RGS20: variants seen among roughly 807,000 people sequenced by gnomAD.
The protein encoded by RGS20 is gz-selective GTPase-activating protein.
RGS20 carries 30 observed loss-of-function variants against 33.6 expected under a neutral mutation model. The ratio of observed to expected loss-of-function variants is 0.89; its 90% CI spans 0.67 to 1.21. The LOEUF is 1.21. RGS20 is among the 50% of genes most tolerant of loss of function. The probability of loss-of-function intolerance (pLI) is 0.00; values close to 1 mark genes in which losing one functional copy is unlikely to be tolerated. For synonymous variants in RGS20, 208 were observed against 197.9 expected, an observed-to-expected ratio of 1.05 and a Z score of -0.43; for missense variants, 472 against 502.4, an observed-to-expected ratio of 0.94 and a Z score of 0.58.
intron 4 of RGS20, among the ~76,000 whole-genome samples, chr8:53,950,341 T>A (rs1814674668): frequency 6.6e-6 from 1 of 152,086 alleles, no homozygotes; most frequent in Admixed American, 6.6e-5. Context: ...ACAGTTTGAG[T>A]TTCCCTTATC....
chr8:53,867,171 C>T (rs551975945), intron 1 of RGS20, among the ~76,000 whole-genome samples: 1 of 152,156 alleles, frequency 6.6e-6, no homozygotes, highest in Admixed American at 6.5e-5. Context: ...TCACCAGTGC[C>T]TCAGGAGAGC....
chr8:53,880,884 GGAAGAGGCCGGGA>G, intron 2 of RGS20: 1 of 1,481,110 alleles, frequency 6.8e-7, no homozygotes, highest in Admixed American at 2.3e-5. Context: ...AGCAAGGGGA[GGAAGAGGCCGGGA>G]GAAGAGGGCT....
At chr8:53,918,059 G>A (rs919177258) in intron 2 of RGS20, among the ~76,000 whole-genome samples, 3 of 152,150 alleles carry the variant, frequency 2.0e-5, no homozygotes, top group Non-Finnish European at 2.9e-5. Context: ...TAGCATGTAT[G>A]AGTCCTGCAT....
chr8:53,944,408 C>CAG (rs1563425218), intron 3 of RGS20, among the ~76,000 whole-genome samples: 1 of 151,788 alleles, frequency 6.6e-6, no homozygotes, highest in African/African-American at 2.4e-5. Context: ...TGTGGTGGTG[C>CAG]GCGCCTGTAG....
intron 1 of RGS20, among the ~76,000 whole-genome samples, chr8:53,876,898 CAAG>C (rs1181940473): frequency 6.6e-6 from 1 of 152,216 alleles, no homozygotes; most frequent in Non-Finnish European, 1.5e-5. Flanking sequence ...ACTTGCCTCA[CAAG>C]AGTCTCTGTC....
rs1812227252 is a variant in RGS20, at chr8:53,877,199, C to G, written c.166-2059C>G. 6.6e-6 allele frequency among the ~76,000 whole-genome samples: 1 copy of G among 152,154 alleles called. No homozygotes were observed. Among genetic ancestry groups the G allele is most frequent in the Non-Finnish European group, 1.5e-5 (1 of 68,012 alleles). ...CTTTTTTCAAGCCCTTGCGTAGGGT[C>G]GGGAAGGCCGTGGGTGGGCTCAGTC... On this transcript the variant is annotated intron_variant, in intron 1 of 5. Coordinates refer to ENST00000297313, the MANE Select transcript of RGS20 (RefSeq NM_170587.4). This position sits in a 1 kb window ranked among gnomAD's most constrained non-coding sequence, Gnocchi z 5.7.
intron 2 of RGS20, among the ~76,000 whole-genome samples, chr8:53,926,606 A>G (rs1813804658): frequency 2.0e-5 from 3 of 152,194 alleles, no homozygotes. Flanking sequence ...TGTGTTTACC[A>G]GAAAATAAGA....
intron 2 of RGS20, among the ~76,000 whole-genome samples, chr8:53,892,005 G>A (rs1428123363): frequency 1.3e-5 from 2 of 151,868 alleles, no homozygotes; most frequent in African/African-American, 4.8e-5. Flanking sequence ...TCGTCATTTA[G>A]CATTAGGTAT....
At position 53,939,665 on chromosome 8, in the gene RGS20, G is replaced by T. The variant is rs144093585; in HGVS notation, c.600G>T (p.Ala200=). The change falls in exon 3 of 6, where the codon GCG becomes GCT. Residue 200 remains alanine, a synonymous_variant. Coordinates refer to ENST00000297313, the MANE Select transcript of RGS20 (RefSeq NM_170587.4). ...GCGCCGCCCCAGGCCAGCCCGGAGC[G>T]GGGAGTCGCGGGTCCAACGCATGCT... 2 of 1,581,606 alleles carry T rather than the reference G, an allele frequency of 1.3e-6. No individual in the cohort carries two copies. The highest frequency in any genetic ancestry group is 1.3e-5 in the African/African-American group (1 of 74,746).
At chr8:53,898,830 A>G (rs1302905038) in intron 2 of RGS20, among the ~76,000 whole-genome samples, 3 of 152,230 alleles carry the variant, frequency 2.0e-5, no homozygotes, top group Non-Finnish European at 4.4e-5. Flanking sequence ...TAGGCCAAGG[A>G]GCACTGCAGG....
At chr8:53,944,038 AAC>A (rs1374662365) in intron 3 of RGS20, among the ~76,000 whole-genome samples, 2 of 151,920 alleles carry the variant, frequency 1.3e-5, no homozygotes, top group Non-Finnish European at 2.9e-5. Context: ...AAATTTATAA[AAC>A]AGTTGTGCTA....
chr8:53,896,560 G>A (rs139955694), intron 2 of RGS20, among the ~76,000 whole-genome samples: 1 of 152,156 alleles, frequency 6.6e-6, no homozygotes, highest in Non-Finnish European at 1.5e-5. Flanking sequence ...GAAACAATCT[G>A]TATGAAAGTA....
intron 1 of RGS20, among the ~76,000 whole-genome samples, chr8:53,874,890 A>C (rs770126353): frequency 1.3e-5 from 2 of 152,138 alleles, no homozygotes; most frequent in Non-Finnish European, 2.9e-5. Context: ...GGTACTAGGG[A>C]CTAGAATTTT....
intron 2 of RGS20, among the ~76,000 whole-genome samples, chr8:53,897,550 G>A (rs981131920): frequency 6.6e-6 from 1 of 152,152 alleles, no homozygotes; most frequent in African/African-American, 2.4e-5. Flanking sequence ...CAATACATTT[G>A]TCATACCCAA....
At chr8:53,933,866 G>A (rs1038146886) in intron 2 of RGS20, among the ~76,000 whole-genome samples, 5 of 152,112 alleles carry the variant, frequency 3.3e-5, no homozygotes, top group Non-Finnish European at 7.4e-5. Flanking sequence ...GAGAAAGGTC[G>A]GGTTACCCAC....
At chr8:53,912,837 ATTCT>A in intron 2 of RGS20, among the ~76,000 whole-genome samples, 1 of 152,248 alleles carries the variant, frequency 6.6e-6, no homozygotes, top group East Asian at 1.9e-4. Context: ...TAAAAACTTG[ATTCT>A]TTCCCCTTAT....
At chr8:53,889,303 ATCT>A (rs1290172874) in intron 2 of RGS20, among the ~76,000 whole-genome samples, 2 of 150,964 alleles carry the variant, frequency 1.3e-5, no homozygotes, top group Non-Finnish European at 2.9e-5. Context: ...GATGTTAAGC[ATCT>A]TCTTATATGT....
intron 2 of RGS20, among the ~76,000 whole-genome samples, chr8:53,897,572 G>A (rs1812902153): frequency 1.3e-5 from 2 of 152,160 alleles, no homozygotes; most frequent in South Asian, 4.1e-4. Context: ...AAAATTAACA[G>A]TAAGCAATTC....
intron 2 of RGS20, among the ~76,000 whole-genome samples, chr8:53,901,535 A>G (rs1055678148): frequency 1.3e-5 from 2 of 152,168 alleles, no homozygotes; most frequent in African/African-American, 4.8e-5. Flanking sequence ...GTCTATTGCC[A>G]CTTCTAAAAC....
Sources: gnomAD v4.1 joint callset for allele counts (sites outside exome capture counted in the v4.1 genomes callset) on GRCh38, gnomAD v4.1.1 for gene constraint, Gnocchi (gnomAD v3.1) non-coding constraint, MANE v1.5 for transcripts, NCBI Gene and HGNC (gene_info 2026-07-23, HGNC 2026-07-21) for gene names.